GASK1A: variants seen among roughly 807,000 people sequenced by gnomAD.
The protein encoded by GASK1A is Golgi-associated kinase 1A.
In GASK1A, 40 loss-of-function variants were observed where a neutral mutation model predicts 41.2. That is an observed-to-expected ratio of 0.97 (90% CI 0.75 to 1.27). The LOEUF is 1.27. GASK1A is among the 50% of genes most tolerant of loss of function. GASK1A has a pLI of 0.00. For missense variants in GASK1A, 678 were observed against 745.1 expected, an observed-to-expected ratio of 0.91 and a Z score of 1.05; for synonymous variants, 316 against 307.1, an observed-to-expected ratio of 1.03 and a Z score of -0.30.
chr3:43,010,397 G>A (rs72869062), intron 1 of GASK1A, among the ~76,000 whole-genome samples: 2,418 of 152,218 alleles, frequency 0.016, 66 homozygotes, highest in African/African-American at 0.055. Context: ...TCAAATCCCC[G>A]AATTTGAGAA....
At chr3:43,009,825 C>T (rs984238703) in intron 1 of GASK1A, among the ~76,000 whole-genome samples, 1 of 152,184 alleles carries the variant, frequency 6.6e-6, no homozygotes, top group Non-Finnish European at 1.5e-5. Flanking sequence ...AGATAAGTGG[C>T]CTGAACGTAG....
chr3:43,001,064 T>G (rs1326222637), intron 1 of GASK1A, among the ~76,000 whole-genome samples: 1 of 152,142 alleles, frequency 6.6e-6, no homozygotes, highest in East Asian at 1.9e-4. Flanking sequence ...GCTCTCTCCT[T>G]GGCTTCTCTT....
chr3:43,025,912 T>C (rs2089544991), intron 1 of GASK1A, among the ~76,000 whole-genome samples: 1 of 152,180 alleles, frequency 6.6e-6, no homozygotes, highest in African/African-American at 2.4e-5. Flanking sequence ...GCAAATTCCT[T>C]TTTCAGATAA....
intron 1 of GASK1A, among the ~76,000 whole-genome samples, chr3:43,023,017 G>C (rs554409270): frequency 6.6e-6 from 1 of 152,198 alleles, no homozygotes; most frequent in Non-Finnish European, 1.5e-5. Flanking sequence ...ATTACCATGT[G>C]TAGTAGGCTG....
At chr3:43,037,800 A>G (rs1310499350) in intron 2 of GASK1A, among the ~76,000 whole-genome samples, 1 of 152,240 alleles carries the variant, frequency 6.6e-6, no homozygotes, top group East Asian at 1.9e-4. Flanking sequence ...CTTTAAGTAT[A>G]TATAGCTTAA....
In GASK1A at chr3:43,032,540, G is replaced by A. The variant is rs1273508401; in HGVS notation, c.277G>A (p.Glu93Lys). Reference sequence around the variant, plus strand: ...CAGGAACTCCATCTTGGTCTGTGCTGAGGAGCAAGGCCATAGAGCAAGAGT... The same window carrying A: ...CAGGAACTCCATCTTGGTCTGTGCTAAGGAGCAAGGCCATAGAGCAAGAGT... Reference protein sequence around the residue: ...LPRNSILVCAEEQGHRARVDR... With the variant: ...LPRNSILVCAKEQGHRARVDR... The change falls in exon 2 of 5, where the codon GAG becomes AAG. Residue 93 changes from glutamate (E) to lysine (K), a missense_variant. Transcript: ENST00000430121. The A allele has an allele frequency of 1.9e-5, 30 of 1,549,582 alleles. No individual in the cohort carries two copies. The highest frequency in any genetic ancestry group is 2.6e-5 in the Non-Finnish European group (30 of 1,145,316).
At chr3:43,011,382 A>C (rs1385693608) in intron 1 of GASK1A, among the ~76,000 whole-genome samples, 1 of 93,376 alleles carries the variant, frequency 1.1e-5, no homozygotes, top group African/African-American at 4.0e-5. Flanking sequence ...CTCCATCTCA[A>C]AAAAAAAAAA....
At chr3:43,017,506 T>C (rs2089498501) in intron 1 of GASK1A, among the ~76,000 whole-genome samples, 2 of 123,872 alleles carry the variant, frequency 1.6e-5, no homozygotes, top group African/African-American at 3.2e-5. Flanking sequence ...TGTGTCAAGC[T>C]ACAGGAAGGG....
At chr3:43,003,260 C>G (rs1193709160) in intron 1 of GASK1A, among the ~76,000 whole-genome samples, 1 of 152,052 alleles carries the variant, frequency 6.6e-6, no homozygotes, top group African/African-American at 2.4e-5. Flanking sequence ...TTTGGGAGGC[C>G]AAGGCAGGCA....
At chr3:43,042,877 C>G (rs1200876573) in intron 2 of GASK1A, among the ~76,000 whole-genome samples, 1 of 152,150 alleles carries the variant, frequency 6.6e-6, no homozygotes, top group Non-Finnish European at 1.5e-5. Context: ...GTGTTCCCTC[C>G]CTGGAGCTTC....
At chr3:43,002,021 A>T (rs1338421071) in intron 1 of GASK1A, among the ~76,000 whole-genome samples, 1 of 152,144 alleles carries the variant, frequency 6.6e-6, no homozygotes, top group Non-Finnish European at 1.5e-5. Context: ...ACTAAAAGCT[A>T]CACAGCATAG....
At chr3:43,033,625 C>A in intron 2 of GASK1A, 72 bp downstream of exon 2, 1 of 1,359,176 alleles carries the variant, frequency 7.4e-7, no homozygotes, top group Non-Finnish European at 9.7e-7. Context: ...GCCTGAATTG[C>A]CCACCTGAGG....
In GASK1A at chr3:43,056,172, C is replaced by G. The variant is rs1028604397; in HGVS notation, c.1518-4C>G. On this transcript the variant is annotated splice_polypyrimidine_tract_variant and splice_region_variant and intron_variant, in intron 4 of 4. Coordinates refer to ENST00000430121, the MANE Select transcript of GASK1A (RefSeq NM_001129908.3). ...GTTACGGGGCTCTGGGGCCTTTGCT[C>G]CAGGTTTCCTGAGTCTGCCGTGAAG... The G allele has an allele frequency of 3.9e-6, 6 of 1,548,122 alleles. No individual in the cohort carries two copies. The highest frequency in any genetic ancestry group is 2.6e-6 in the Non-Finnish European group (3 of 1,144,574).
At position 42,979,625 on chromosome 3, in the gene GASK1A, C is replaced by T. The variant is rs984697041; in HGVS notation, c.-18C>T. The stretch of plus-strand genomic sequence containing the variant: ...CGGCTGAGCGCGCCGAGGAGCCGGC[C>T]GGGGCACCGCCGGGGACATGGTAGG... On this transcript the variant is annotated 5_prime_UTR_variant, in exon 1 of 5. Transcript: ENST00000430121. 20 of 1,243,650 alleles carry T rather than the reference C, an allele frequency of 1.6e-5. No homozygotes were observed. In the African/African-American group the frequency reaches 2.3e-4, roughly 14 times the overall value. The allele number at this position is 1,243,650 out of a possible 1,614,324, so 77.0% of individuals were successfully genotyped here. A position where few individuals can be genotyped will look rare whatever the true frequency, so the allele number is the denominator to read the frequency against.
intron 2 of GASK1A, among the ~76,000 whole-genome samples, chr3:43,045,460 T>C (rs1006435446): frequency 2.6e-5 from 4 of 152,222 alleles, no homozygotes; most frequent in Non-Finnish European, 5.9e-5. Context: ...CCTATTTGTT[T>C]ATGTATTATC....
At chr3:43,019,693 C>T (rs1426876676) in intron 1 of GASK1A, among the ~76,000 whole-genome samples, 1 of 151,934 alleles carries the variant, frequency 6.6e-6, no homozygotes, top group East Asian at 1.9e-4. Context: ...GGTCGGGGAA[C>T]AGAAACTAAG....
chr3:42,984,935 A>G lies in GASK1A; in HGVS notation c.3+5290A>G, dbSNP rs1304764513. On this transcript the variant is annotated intron_variant, in intron 1 of 4. Transcript: ENST00000430121. This position sits in a 1 kb window ranked among gnomAD's most constrained non-coding sequence, Gnocchi z 4.2. ...TCTTGAGATACTCTCCAGGTGGGAA[A>G]GAGTTTTGGAGTGGGCATACTTTAG... Among the ~76,000 whole-genome samples, 5 of 152,262 alleles carry G rather than the reference A, an allele frequency of 3.3e-5. No homozygotes were observed. Among genetic ancestry groups the G allele is most frequent in the Middle Eastern group, 3.4e-3 (1 of 294 alleles).
intron 1 of GASK1A, among the ~76,000 whole-genome samples, chr3:43,001,314 T>C (rs569525665): frequency 1.3e-5 from 2 of 152,184 alleles, no homozygotes; most frequent in Non-Finnish European, 2.9e-5. Flanking sequence ...CTTGATGATA[T>C]GCAGTCCGGG....
intron 1 of GASK1A, among the ~76,000 whole-genome samples, chr3:42,990,193 C>T (rs1393091082): frequency 2.0e-5 from 3 of 151,254 alleles, no homozygotes; most frequent in Non-Finnish European, 2.9e-5. Flanking sequence ...GAGAGAGACC[C>T]TATCTCTACA....
Sources: gnomAD v4.1 joint callset for allele counts (sites outside exome capture counted in the v4.1 genomes callset) on GRCh38, gnomAD v4.1.1 for gene constraint, Gnocchi (gnomAD v3.1) non-coding constraint, MANE v1.5 for transcripts, NCBI Gene and HGNC (gene_info 2026-07-23, HGNC 2026-07-21) for gene names.